TSPAN18: variants seen among roughly 807,000 people sequenced by gnomAD.
The protein encoded by TSPAN18 is tetraspanin-18.
TSPAN18 carries 14 observed loss-of-function variants against 27.3 expected under a neutral mutation model. That is an observed-to-expected ratio of 0.51 (90% confidence interval 0.34 to 0.80). TSPAN18 has a LOEUF of 0.80. Ranked by LOEUF, TSPAN18 falls within the 30% of genes least tolerant of loss-of-function variation. TSPAN18 has a pLI of 0.01. For missense variants in TSPAN18, 268 were observed against 323.9 expected, an observed-to-expected ratio of 0.83 and a Z score of 1.32; for synonymous variants, 143 against 136.5, an observed-to-expected ratio of 1.05 and a Z score of -0.33.
chr11:44,854,473 A>G (rs1205301279), intron 2 of TSPAN18, among the ~76,000 whole-genome samples: 1 of 152,136 alleles, frequency 6.6e-6, no homozygotes, highest in Non-Finnish European at 1.5e-5. Flanking sequence ...ATGTGCTGTC[A>G]TGTCTTAGAA....
intron 2 of TSPAN18, among the ~76,000 whole-genome samples, chr11:44,852,049 G>A (rs1380120904): frequency 6.6e-6 from 1 of 152,156 alleles, no homozygotes; most frequent in African/African-American, 2.4e-5. Context: ...CTTAATGAGT[G>A]TCTGCTGGCT....
At chr11:44,727,523 G>A (rs1854545782) in intron 1 of TSPAN18, among the ~76,000 whole-genome samples, 1 of 152,224 alleles carries the variant, frequency 6.6e-6, no homozygotes. Context: ...TGAGGGCCGG[G>A]GGCTGCGCCC....
Position 44,917,954 on chromosome 11 carries a change from C to G in TSPAN18, c.259-18C>G. Reference sequence around the variant, plus strand: ...CTGCCTGCCCTCTGGGCTCACAAGGCTGTTCCTCTCCCTGCAGTTCTTCCT... The same window carrying G: ...CTGCCTGCCCTCTGGGCTCACAAGGGTGTTCCTCTCCCTGCAGTTCTTCCT... On this transcript the variant is annotated intron_variant, in intron 5 of 9. Coordinates refer to ENST00000520358, the MANE Select transcript of TSPAN18 (RefSeq NM_130783.5). 1 of 1,613,874 alleles carries G rather than the reference C, an allele frequency of 6.2e-7. No homozygotes were observed. Among genetic ancestry groups the G allele is most frequent in the Non-Finnish European group, 8.5e-7 (1 of 1,179,860 alleles).
chr11:44,930,487 C>A lies in TSPAN18; in HGVS notation c.*1309C>A. The stretch of plus-strand genomic sequence containing the variant: ...CCCTCTTCTCTCCAGGCTAAAGAAT[C>A]CCGAAGGCATCGAGGCCATTTCTGC... On this transcript the variant is annotated 3_prime_UTR_variant, in exon 10 of 10. Coordinates refer to ENST00000520358, the MANE Select transcript of TSPAN18 (RefSeq NM_130783.5). 1 of 245,566 alleles carries A rather than the reference C, an allele frequency of 4.1e-6. No individual in the cohort carries two copies. Among genetic ancestry groups the A allele is most frequent in the South Asian group, 4.7e-5 (1 of 21,342 alleles). 15.2% of individuals were successfully genotyped at this position (245,566 alleles called of 1,614,324 possible). A position where few individuals can be genotyped will look rare whatever the true frequency, so the allele number is the denominator to read the frequency against.
intron 3 of TSPAN18, among the ~76,000 whole-genome samples, chr11:44,890,042 A>T (rs1319086586): frequency 6.6e-6 from 1 of 152,140 alleles, no homozygotes; most frequent in Non-Finnish European, 1.5e-5. Flanking sequence ...TAGGGTTTTG[A>T]TCCCCAGCCT....
intron 2 of TSPAN18, among the ~76,000 whole-genome samples, chr11:44,775,184 G>A (rs1855776531): frequency 6.6e-6 from 1 of 152,192 alleles, no homozygotes; most frequent in Non-Finnish European, 1.5e-5. Flanking sequence ...TATAGACAAT[G>A]ACTCAATTTT....
chr11:44,896,615 T>A (rs1435207126), intron 3 of TSPAN18, among the ~76,000 whole-genome samples: 2 of 152,074 alleles, frequency 1.3e-5, no homozygotes, highest in African/African-American at 4.8e-5. Context: ...TTCTCCTGCC[T>A]TTCCATCTTC....
intron 4 of TSPAN18, among the ~76,000 whole-genome samples, chr11:44,908,483 CA>C (rs1242917292): frequency 6.6e-6 from 1 of 152,024 alleles, no homozygotes; most frequent in African/African-American, 2.4e-5. Context: ...CCTGTAATCC[CA>C]ACATTTTGGG....
chr11:44,889,888 C>G (rs1003712267), intron 3 of TSPAN18, among the ~76,000 whole-genome samples: 3 of 152,188 alleles, frequency 2.0e-5, no homozygotes, highest in Admixed American at 2.0e-4. Flanking sequence ...GGGCTAGGTC[C>G]CAGAGGTCTG....
Position 44,859,862 on chromosome 11 carries a change from CCTT to C in TSPAN18, c.-152-465_-152-463del, listed in dbSNP as rs554981288. The C allele has an allele frequency of 7.0e-4, 106 of 152,306 alleles. 1 individual carries two copies. The highest frequency in any genetic ancestry group is 2.4e-3 in the African/African-American group (101 of 41,552). 9.4% of individuals were successfully genotyped at this position (152,306 alleles called of 1,614,324 possible). On this transcript the variant is annotated intron_variant, in intron 2 of 9. Transcript: ENST00000520358. ...AGTGCCCCTCTCTGGGTATCAGTCT[CCTT>C]ATTGGTAAAAAGAGGCCATTGGTCT...
chr11:44,926,400 CT>C (rs765201532), intron 8 of TSPAN18: 3 of 409,418 alleles, frequency 7.3e-6, no homozygotes, highest in Non-Finnish European at 1.3e-5. Flanking sequence ...ATTCCAATCA[CT>C]GTAGTTGCAA....
At chr11:44,797,730 T>A (rs1856381892) in intron 2 of TSPAN18, among the ~76,000 whole-genome samples, 1 of 152,044 alleles carries the variant, frequency 6.6e-6, no homozygotes, top group Admixed American at 6.6e-5. Flanking sequence ...CAAGAGCACA[T>A]GTGAATGGGG....
intron 2 of TSPAN18, among the ~76,000 whole-genome samples, chr11:44,835,557 A>G (rs922225346): frequency 1.3e-4 from 19 of 151,306 alleles, no homozygotes; most frequent in Non-Finnish European, 2.2e-4. Context: ...TGAGACAGCG[A>G]TCTGCAACCC....
At chr11:44,821,514 C>T (rs527678504) in intron 2 of TSPAN18, among the ~76,000 whole-genome samples, 1 of 152,306 alleles carries the variant, frequency 6.6e-6, no homozygotes, top group South Asian at 2.1e-4. Flanking sequence ...GTTCTGGCCT[C>T]TCTTGAAGTA....
intron 1 of TSPAN18, among the ~76,000 whole-genome samples, chr11:44,741,853 G>T (rs1032549405): frequency 6.6e-6 from 1 of 152,294 alleles, no homozygotes; most frequent in East Asian, 1.9e-4. Flanking sequence ...GCATGGGAAC[G>T]ACCTGCCAGG....
At chr11:44,760,359 G>A (rs574184162) in intron 1 of TSPAN18, among the ~76,000 whole-genome samples, 3 of 152,346 alleles carry the variant, frequency 2.0e-5, no homozygotes, top group East Asian at 1.9e-4. Flanking sequence ...GGACTGGCAG[G>A]TTCTATGAGG....
chr11:44,881,324 T>G (rs1858483074), intron 3 of TSPAN18, among the ~76,000 whole-genome samples: 1 of 152,098 alleles, frequency 6.6e-6, no homozygotes, highest in Admixed American at 6.6e-5. Flanking sequence ...GAGGAGCTCC[T>G]TCCCAGACCC....
intron 2 of TSPAN18, among the ~76,000 whole-genome samples, chr11:44,776,445 C>T (rs1488011427): frequency 6.6e-6 from 1 of 152,176 alleles, no homozygotes; most frequent in Non-Finnish European, 1.5e-5. Flanking sequence ...GATAACCTTT[C>T]CCTACAGAGC....
At chr11:44,780,621 C>T (rs1395650311) in intron 2 of TSPAN18, among the ~76,000 whole-genome samples, 9 of 152,226 alleles carry the variant, frequency 5.9e-5, no homozygotes, top group African/African-American at 1.4e-4. Context: ...GAGAAAATGA[C>T]GTCGGACTTT....
Sources: gnomAD v4.1 joint callset for allele counts (sites outside exome capture counted in the v4.1 genomes callset) on GRCh38, gnomAD v4.1.1 for gene constraint, MANE v1.5 for transcripts, NCBI Gene and HGNC (gene_info 2026-07-23, HGNC 2026-07-21) for gene names.